The following LOC400499 variants were observed in gnomAD, a reference collection of about 807,000 sequenced individuals.
chr16:11,509,081 G>A, the LOC400499 span, among the ~76,000 whole-genome samples: 4 of 151,936 alleles, frequency 2.6e-5, no homozygotes, highest in Non-Finnish European at 5.9e-5. Context: ...ACAAACTGTG[G>A]GCCACTCACA....
chr16:11,462,034 T>G, the LOC400499 span: 2 of 1,221,466 alleles, frequency 1.6e-6, no homozygotes, highest in Non-Finnish European at 2.2e-6. Context: ...GCTGCAGTGA[T>G]GAGGACCATA....
chr16:11,452,870 A>C, the LOC400499 span, among the ~76,000 whole-genome samples: 2 of 152,196 alleles, frequency 1.3e-5, no homozygotes, highest in Non-Finnish European at 2.9e-5. Flanking sequence ...GAAGATTTCT[A>C]ATCTTTTAGG....
the LOC400499 span, among the ~76,000 whole-genome samples, chr16:11,408,657 G>T: frequency 6.6e-6 from 1 of 151,612 alleles, no homozygotes; most frequent in African/African-American, 2.4e-5. Context: ...GTAGCAATGG[G>T]GTCTCCCTAG....
chr16:11,392,847 C>CGTTTTT, the LOC400499 span: 14 of 973,856 alleles, frequency 1.4e-5, no homozygotes, highest in East Asian at 1.1e-4. Context: ...CAGGTTTTTT[C>CGTTTTT]GTTTTTGTTT....
chr16:11,478,816 T>A, the LOC400499 span: 1 of 397,474 alleles, frequency 2.5e-6, no homozygotes, highest in East Asian at 3.6e-5. Flanking sequence ...AAGGACCCTA[T>A]GGGAGATGAC....
the LOC400499 span, among the ~76,000 whole-genome samples, chr16:11,471,088 G>A: frequency 3.1e-4 from 47 of 152,170 alleles, no homozygotes; most frequent in Admixed American, 3.1e-3. Context: ...GAAGCCATAG[G>A]GGGGCAGTCT....
At chr16:11,414,866 T>C in the LOC400499 span, among the ~76,000 whole-genome samples, 47,959 of 152,124 alleles carry the variant, frequency 0.32, 7,690 homozygotes, top group Non-Finnish European at 0.35. Flanking sequence ...GAGTGTGGTT[T>C]CCAGCACAAC....
chr16:11,465,732 C>T, the LOC400499 span, among the ~76,000 whole-genome samples: 1 of 145,482 alleles, frequency 6.9e-6, no homozygotes, highest in Non-Finnish European at 1.5e-5. Flanking sequence ...ACGATCACTG[C>T]ACAGAATAAG....
the LOC400499 span, among the ~76,000 whole-genome samples, chr16:11,492,358 A>T: frequency 1.3e-5 from 2 of 150,550 alleles, no homozygotes; most frequent in Non-Finnish European, 3.0e-5. Flanking sequence ...ATATTAACAT[A>T]AGCAACAACT....
At chr16:11,446,838 C>T in the LOC400499 span, 2 of 1,536,084 alleles carry the variant, frequency 1.3e-6, no homozygotes, top group East Asian at 4.9e-5. Flanking sequence ...GGGAATAGCG[C>T]TGGTGTCGCC....
the LOC400499 span, among the ~76,000 whole-genome samples, chr16:11,414,767 G>C: frequency 1.3e-5 from 2 of 152,202 alleles, no homozygotes; most frequent in African/African-American, 4.8e-5. Flanking sequence ...TTGCTGAAAT[G>C]ACACCTTCTC....
chr16:11,496,509 T>C, the LOC400499 span, among the ~76,000 whole-genome samples: 1 of 152,258 alleles, frequency 6.6e-6, no homozygotes, highest in Non-Finnish European at 1.5e-5. Flanking sequence ...ATCCTAGTGC[T>C]TGTGGGTGTG....
the LOC400499 span, among the ~76,000 whole-genome samples, chr16:11,455,106 A>G: frequency 2.6e-5 from 4 of 152,236 alleles, no homozygotes; most frequent in African/African-American, 9.6e-5. Flanking sequence ...TCAAATAGAA[A>G]AATAAAGGCA....
chr16:11,424,656 T>C, the LOC400499 span, among the ~76,000 whole-genome samples: 1 of 152,236 alleles, frequency 6.6e-6, no homozygotes, highest in East Asian at 1.9e-4. Context: ...AGGACACAAA[T>C]CTCAGAGGGA....
the LOC400499 span, chr16:11,456,923 C>T: frequency 6.5e-7 from 1 of 1,536,274 alleles, no homozygotes; most frequent in African/African-American, 1.4e-5. Flanking sequence ...CAAACAGCGG[C>T]CGCCCATTGT....
the LOC400499 span, chr16:11,398,385 C>G: frequency 5.7e-6 from 7 of 1,232,176 alleles, no homozygotes; most frequent in Non-Finnish European, 6.1e-6. Flanking sequence ...GAGGGAGTGC[C>G]GCAGCCAGCG....
the LOC400499 span, among the ~76,000 whole-genome samples, chr16:11,521,249 G>C: frequency 6.6e-6 from 1 of 152,178 alleles, no homozygotes; most frequent in Non-Finnish European, 1.5e-5. Flanking sequence ...CACAATATGA[G>C]ATGAGACTCC....
chr16:11,381,955 T>C, the LOC400499 span, among the ~76,000 whole-genome samples: 2 of 151,928 alleles, frequency 1.3e-5, no homozygotes, highest in East Asian at 3.9e-4. Flanking sequence ...GAATTTTTTT[T>C]TTTTTGAGAC....
the LOC400499 span, chr16:11,417,603 A>C: frequency 1.6e-3 from 617 of 394,912 alleles, 1 homozygote; most frequent in Middle Eastern, 3.2e-3. Context: ...CCAGCTCCCC[A>C]GTCCCGGGCT....
Sources: gnomAD v4.1 joint callset for allele counts (sites outside exome capture counted in the v4.1 genomes callset) on GRCh38, gnomAD v4.1.1 for gene constraint, MANE v1.5 for transcripts.